PCDHGB4: variants seen among roughly 807,000 people sequenced by gnomAD.
The protein encoded by PCDHGB4 is protocadherin gamma subfamily B, 4.
Under a neutral mutation model 60.5 loss-of-function variants are expected in PCDHGB4, and 38 were observed. The ratio of observed to expected loss-of-function variants is 0.63; its 90% CI spans 0.48 to 0.82. PCDHGB4 has a LOEUF of 0.82. Ranked by LOEUF, PCDHGB4 falls within the 40% of genes least tolerant of loss-of-function variation. The probability of loss-of-function intolerance (pLI) is 0.00; values close to 1 mark genes in which losing one functional copy is unlikely to be tolerated. For missense variants in PCDHGB4, 1,109 were observed against 1,209.6 expected (o/e 0.92, Z 1.23); for synonymous variants, 456 against 509.7 (o/e 0.89, Z 1.42).
chr5:141,429,239 T>C (rs1344971786), intron 1 of PCDHGB4: 1 of 151,802 alleles, frequency 6.6e-6, no homozygotes, highest in East Asian at 1.9e-4. Context: ...ACTGCTGTCA[T>C]TGAGATATTT....
At chr5:141,499,451 T>A (rs1378621877) in intron 2 of PCDHGB4, among the ~76,000 whole-genome samples, 3 of 152,130 alleles carry the variant, frequency 2.0e-5, no homozygotes, top group Non-Finnish European at 4.4e-5. Flanking sequence ...AAACCACCCA[T>A]CATTTTACAA....
In PCDHGB4 at chr5:141,389,423, C is replaced by T; in HGVS notation, c.1539C>T (p.Phe513=). Residue 513 remains phenylalanine, a synonymous_variant, in exon 1 of 4, where the codon TTC becomes TTT. Coordinates refer to ENST00000519479, the MANE Select transcript of PCDHGB4 (RefSeq NM_003736.4). ...TAAGCGCGGAGAGCGGGGTGGTGTT[C>T]GCGCAGCGCGCCTTCGACCACGAGC... is the stretch of plus-strand genomic sequence containing the variant. ...VSISAESGVV[F]AQRAFDHEQL... is the part of the protein sequence containing the mutation. 3 of 1,613,516 alleles carry T rather than the reference C, an allele frequency of 1.9e-6. No homozygotes were observed. The highest frequency in any genetic ancestry group is 1.7e-5 in the Admixed American group (1 of 60,030).
At chr5:141,437,096 C>T (rs989863634) in intron 1 of PCDHGB4, among the ~76,000 whole-genome samples, 6 of 152,122 alleles carry the variant, frequency 3.9e-5, no homozygotes, top group Non-Finnish European at 8.8e-5. Context: ...AAACTAACGG[C>T]TTAGCTTTAG....
At chr5:141,421,972 C>T (rs764728654) in intron 1 of PCDHGB4, 2 of 1,609,892 alleles carry the variant, frequency 1.2e-6, no homozygotes, top group African/African-American at 2.7e-5. Context: ...GTCCGTATAT[C>T]GCGTGAGTGT....
At chr5:141,398,045 G>A (rs2093604271) in intron 1 of PCDHGB4, 1 of 1,498,158 alleles carries the variant, frequency 6.7e-7, no homozygotes. Flanking sequence ...AAGCCCGTTC[G>A]GAGATCCAAA....
chr5:141,419,012 A>C (rs1422133011), intron 1 of PCDHGB4: 1 of 1,613,986 alleles, frequency 6.2e-7, no homozygotes. Context: ...AGTCAGGTGT[A>C]GCTTAAGTAG....
chr5:141,399,488 TAGTC>T (rs778579612), intron 1 of PCDHGB4: 12 of 1,613,904 alleles, frequency 7.4e-6, no homozygotes, highest in Admixed American at 1.7e-5. Flanking sequence ...GCGTCCTACT[TAGTC>T]AGTGTACCCG....
Position 141,485,548 on chromosome 5 carries a change from T to C in PCDHGB4, c.2398-9259T>C, listed in dbSNP as rs749739126. ...ACCGAGCAGAGGTAGAGATCGTAGA[T>C]GTGAATGATCACGCCCCCCGTTTTC... On this transcript the variant is annotated intron_variant, in intron 1 of 3. Transcript: ENST00000519479. This position sits in a 1 kb window ranked among gnomAD's most constrained non-coding sequence, Gnocchi z 5.7. The C allele has an allele frequency of 3.1e-6, 5 of 1,614,040 alleles. No homozygotes were observed. The highest frequency in any genetic ancestry group is 3.4e-6 in the Non-Finnish European group (4 of 1,179,942).
intron 1 of PCDHGB4, among the ~76,000 whole-genome samples, chr5:141,429,386 T>TA (rs1561841076): frequency 9.9e-5 from 15 of 151,936 alleles, no homozygotes; most frequent in South Asian, 8.3e-4. Flanking sequence ...TGTTTTTTTT[T>TA]TAAAAAAAAT....
chr5:141,436,207 A>G (rs544201723), intron 1 of PCDHGB4, among the ~76,000 whole-genome samples: 67 of 152,260 alleles, frequency 4.4e-4, no homozygotes, highest in Non-Finnish European at 7.9e-4. Flanking sequence ...ACATAATAGG[A>G]AAACAAATGA....
At chr5:141,399,230 A>G (rs764321114) in intron 1 of PCDHGB4, 2 of 1,614,002 alleles carry the variant, frequency 1.2e-6, no homozygotes, top group Non-Finnish European at 1.7e-6. Context: ...ATCAAAATAC[A>G]TGACCAAGAT....
At chr5:141,402,407 A>G (rs1365068565) in intron 1 of PCDHGB4, among the ~76,000 whole-genome samples, 1 of 152,106 alleles carries the variant, frequency 6.6e-6, no homozygotes, top group African/African-American at 2.4e-5. Context: ...AATTGTTAAG[A>G]TACACAGAAA....
intron 1 of PCDHGB4, chr5:141,423,692 G>T: frequency 7.1e-7 from 1 of 1,405,756 alleles, no homozygotes; most frequent in Non-Finnish European, 9.4e-7. Context: ...CCTAATTGTT[G>T]GTGTCTTGGC....
At chr5:141,419,014 C>A (rs1332175722) in intron 1 of PCDHGB4, 1 of 1,613,780 alleles carries the variant, frequency 6.2e-7, no homozygotes, top group Non-Finnish European at 8.5e-7. Flanking sequence ...TCAGGTGTAG[C>A]TTAAGTAGAG....
At chr5:141,462,503 A>G (rs1338834436) in intron 1 of PCDHGB4, among the ~76,000 whole-genome samples, 1 of 152,060 alleles carries the variant, frequency 6.6e-6, no homozygotes, top group East Asian at 1.9e-4. Context: ...ATAATTGTCA[A>G]CTAGATCAAG....
Position 141,486,282 on chromosome 5 carries a change from C to G in PCDHGB4, c.2398-8525C>G. On this transcript the variant is annotated intron_variant, in intron 1 of 3. Transcript: ENST00000519479. This position sits in a 1 kb window ranked among gnomAD's most constrained non-coding sequence, Gnocchi z 5.0. ...AGTGCAGAACCTGGCACTGTGGTGG[C>G]ACTTATCAGTGTGCAGGATCCAGAC... The G allele has an allele frequency of 1.2e-6, 2 of 1,614,052 alleles. No homozygotes were observed. The highest frequency in any genetic ancestry group is 1.7e-6 in the Non-Finnish European group (2 of 1,179,992).
intron 1 of PCDHGB4, chr5:141,404,380 C>T (rs777340976): frequency 1.9e-6 from 3 of 1,613,916 alleles, no homozygotes; most frequent in Non-Finnish European, 2.5e-6. Context: ...CCGTGATTGC[C>T]TATGACCCTG....
intron 1 of PCDHGB4, chr5:141,399,003 A>C: frequency 6.2e-7 from 1 of 1,613,966 alleles, no homozygotes; most frequent in East Asian, 2.2e-5. Context: ...GTCTGAATTC[A>C]AAGAGCGGAG....
In PCDHGB4 at chr5:141,430,383, GAA is replaced by G. The variant is rs139772145; in HGVS notation, c.2397+40114_2397+40115del. Among the ~76,000 whole-genome samples the G allele has an allele frequency of 1.3e-3, 180 of 138,574 alleles. 1 individual carries two copies. Among genetic ancestry groups the G allele is most frequent in the African/African-American group, 4.5e-3 (169 of 37,858 alleles). 90.9% of individuals were successfully genotyped at this position (138,574 alleles called of 152,430 possible). A position where few individuals can be genotyped will look rare whatever the true frequency, so the allele number is the denominator to read the frequency against. On this transcript the variant is annotated intron_variant, in intron 1 of 3. Coordinates refer to ENST00000519479, the MANE Select transcript of PCDHGB4 (RefSeq NM_003736.4). ...CATTGGGGAAAAAAAAGCTCATTGG[GAA>G]AAAAAAAAAAAGCTCACTAAAGTTT...
Sources: gnomAD v4.1 joint callset for allele counts (sites outside exome capture counted in the v4.1 genomes callset) on GRCh38, gnomAD v4.1.1 for gene constraint, Gnocchi (gnomAD v3.1) non-coding constraint, MANE v1.5 for transcripts, NCBI Gene and HGNC (gene_info 2026-07-23, HGNC 2026-07-21) for gene names.